The following SLC37A2 variants were observed in gnomAD, a reference collection of about 807,000 sequenced individuals.
SLC37A2 encodes glucose-6-phosphate exchanger SLC37A2.
A neutral mutation model predicts 70.7 loss-of-function variants in SLC37A2; 59 were observed. The observed-to-expected ratio is 0.83, with a 90% CI of 0.68 to 1.04. SLC37A2 has a LOEUF of 1.04. Among genes scored for constraint, SLC37A2 ranks in the 50% least tolerant of loss-of-function variants. The pLI is 0.00. For missense variants in SLC37A2, 580 were observed against 658.1 expected (o/e 0.88, Z 1.30); for synonymous variants, 257 against 262.1 (o/e 0.98, Z 0.19).
Position 125,077,339 on chromosome 11 carries a change from G to C in SLC37A2, c.235+16G>C. On this transcript the variant is annotated intron_variant, in intron 3 of 17. Coordinates refer to ENST00000403796, the MANE Select transcript of SLC37A2 (RefSeq NM_001145290.2). ...GCCCCATTTGGTAAGAACAGGGCAA[G>C]TTGCTCTTCCCATTCCCCATTCCCT... 1 of 1,596,124 alleles carries C rather than the reference G, an allele frequency of 6.3e-7. No individual in the cohort carries two copies. The highest frequency in any genetic ancestry group is 8.5e-7 in the Non-Finnish European group (1 of 1,170,922).
chr11:125,075,944 T>C (rs1165119798), intron 1 of SLC37A2, among the ~76,000 whole-genome samples: 2 of 152,100 alleles, frequency 1.3e-5, no homozygotes, highest in East Asian at 1.9e-4. Flanking sequence ...TGAGGCCTAT[T>C]TTCCATGCAT....
At chr11:125,086,121 C>G in intron 17 of SLC37A2, 103 bp downstream of exon 17, 1 of 1,530,616 alleles carries the variant, frequency 6.5e-7, no homozygotes, top group South Asian at 1.1e-5. Flanking sequence ...TCGACCAGCC[C>G]AGACCTGAGG....
intron 2 of SLC37A2, among the ~76,000 whole-genome samples, 171 bp from the exon 3 acceptor site, chr11:125,077,059 C>G (rs1221923556): frequency 6.6e-6 from 1 of 152,198 alleles, no homozygotes; most frequent in African/African-American, 2.4e-5. Context: ...GGATGCTGCT[C>G]ATGGGTCTGA....
chr11:125,085,791 C>G (rs895233802), intron 16 of SLC37A2, 117 bp downstream of exon 16: 17 of 1,299,216 alleles, frequency 1.3e-5, no homozygotes, highest in Admixed American at 1.8e-5. Flanking sequence ...GAGCAGCTGC[C>G]CTTTGCTCAG....
Position 125,081,476 on chromosome 11 carries a change from C to G in SLC37A2, c.732+18C>G. On this transcript the variant is annotated intron_variant, in intron 8 of 17. Transcript: ENST00000403796. ...AGCACCACGTGAGTGTGAGCCCTCCCAGCCCTATCCCTGCCCTCCAACTCC... is the reference window on the plus strand; with the variant it reads ...AGCACCACGTGAGTGTGAGCCCTCCGAGCCCTATCCCTGCCCTCCAACTCC... 6.2e-7 allele frequency: 1 copy of G among 1,605,272 alleles called. No homozygotes were observed. Among genetic ancestry groups the G allele is most frequent in the Admixed American group, 1.7e-5 (1 of 59,068 alleles).
chr11:125,084,439 G>C, intron 12 of SLC37A2, 120 bp downstream of exon 12: 3 of 998,156 alleles, frequency 3.0e-6, no homozygotes, highest in Admixed American at 2.0e-5. Context: ...GCGTGCACAT[G>C]CATCATTGTG....
At chr11:125,068,548 G>C (rs1949001943) in intron 1 of SLC37A2, among the ~76,000 whole-genome samples, 1 of 152,186 alleles carries the variant, frequency 6.6e-6, no homozygotes, top group African/African-American at 2.4e-5. Context: ...TCTACTTATT[G>C]AGTGCCAAAG....
At chr11:125,067,852 C>T (rs1948996611) in intron 1 of SLC37A2, among the ~76,000 whole-genome samples, 1 of 152,122 alleles carries the variant, frequency 6.6e-6, no homozygotes, top group Non-Finnish European at 1.5e-5. Flanking sequence ...AGTCATTTTT[C>T]TTATGTGTAA....
At position 125,080,589 on chromosome 11, in the gene SLC37A2, C is replaced by CT. The variant is rs1949135266; in HGVS notation, c.528-23dup. 2 of 1,452,918 alleles carry CT rather than the reference C, an allele frequency of 1.4e-6. No individual in the cohort carries two copies. Among genetic ancestry groups the CT allele is most frequent in the East Asian group, 5.3e-5 (2 of 37,754 alleles). The allele number at this position is 1,452,918 out of a possible 1,614,324, so 90.0% of individuals were successfully genotyped here. Reference sequence around the variant, plus strand: ...GCTTTGCTTTTTACTTTTTATACCTCTTCCCTTCTCTCCCTCCCTTCCAGG... The same window carrying CT: ...GCTTTGCTTTTTACTTTTTATACCTCTTTCCCTTCTCTCCCTCCCTTCCAGG... On this transcript the variant is annotated intron_variant, in intron 6 of 17. Transcript: ENST00000403796. This position sits in a 1 kb window ranked among gnomAD's most constrained non-coding sequence, Gnocchi z 4.3.
intron 2 of SLC37A2, 120 bp downstream of exon 2, chr11:125,076,958 C>A: frequency 1.0e-6 from 1 of 957,022 alleles, no homozygotes; most frequent in Non-Finnish European, 1.6e-6. Flanking sequence ...CAGTGGCTGT[C>A]TTCCCCAGGA....
intron 12 of SLC37A2, among the ~76,000 whole-genome samples, 183 bp from the exon 13 acceptor site, chr11:125,084,642 G>A (rs1358199145): frequency 1.3e-5 from 2 of 152,228 alleles, no homozygotes; most frequent in Non-Finnish European, 1.5e-5. Context: ...AGATGATAGA[G>A]TACCACGTTT....
At chr11:125,084,537 T>C (rs1029647431) in intron 12 of SLC37A2, among the ~76,000 whole-genome samples, 43 of 152,228 alleles carry the variant, frequency 2.8e-4, no homozygotes, top group African/African-American at 1.0e-3. Context: ...TTCATGACTC[T>C]TTGGCCTTGG....
chr11:125,067,871 C>T (rs1948996742), intron 1 of SLC37A2, among the ~76,000 whole-genome samples: 2 of 152,042 alleles, frequency 1.3e-5, no homozygotes, highest in South Asian at 4.1e-4. Context: ...AATATTTTTC[C>T]TTTTAATAAA....
intron 1 of SLC37A2, among the ~76,000 whole-genome samples, chr11:125,067,165 G>A (rs1269448281): frequency 2.6e-5 from 4 of 152,054 alleles, no homozygotes; most frequent in African/African-American, 9.7e-5. Flanking sequence ...TTTTTGTAGA[G>A]ACAGGGTCTT....
chr11:125,084,839 C>T lies in SLC37A2; in HGVS notation c.1140C>T (p.Asn380=), dbSNP rs574194187. Residue 380 remains asparagine (N), a synonymous_variant, in exon 13 of 18, where the codon AAC becomes AAT. Transcript: ENST00000403796. ...ILAAPMMFLY[N]YIGQDGIASS... is the part of the protein sequence containing the mutation. ...TCCTCTCTCAGATGTTCCTGTACAA[C>T]TACATTGGCCAGGACGGGATTGCCA... is the stretch of plus-strand genomic sequence containing the variant. 13 of 1,613,880 alleles carry T rather than the reference C, an allele frequency of 8.1e-6. No individual in the cohort carries two copies. The African/African-American group carries it at 1.6e-4, about 20-fold the overall frequency.
intron 1 of SLC37A2, among the ~76,000 whole-genome samples, chr11:125,071,120 C>G (rs1258613920): frequency 6.6e-6 from 1 of 152,140 alleles, no homozygotes; most frequent in African/African-American, 2.4e-5. Flanking sequence ...CTAACAGACA[C>G]TAAGTTGGTG....
At chr11:125,081,541 G>T (rs1949149863) in intron 8 of SLC37A2, 83 bp downstream of exon 8, 3 of 1,502,518 alleles carry the variant, frequency 2.0e-6, no homozygotes, top group Non-Finnish European at 1.8e-6. Flanking sequence ...GGGAGCTAGA[G>T]CAGGGAGTTC....
rs1006915199 is a variant in SLC37A2 at position 125,083,607 on chromosome 11, G to A, written c.977-208G>A. Among the ~76,000 whole-genome samples the A allele has an allele frequency of 8.5e-5, 13 of 152,120 alleles. No homozygotes were observed. Among genetic ancestry groups the A allele is most frequent in the African/African-American group, 2.7e-4 (11 of 41,422 alleles). ...TGAAGGTCATCCTGCAGGGGAAGAG[G>A]GCAACACAGGACGGGACCAAGAGGG... On this transcript the variant is annotated intron_variant, in intron 10 of 17. Transcript: ENST00000403796. The surrounding 1 kb of genome is among the most constrained non-coding windows in gnomAD (Gnocchi z 4.6).
At chr11:125,067,919 C>A (rs181103276) in intron 1 of SLC37A2, among the ~76,000 whole-genome samples, 4 of 152,280 alleles carry the variant, frequency 2.6e-5, no homozygotes, top group East Asian at 3.9e-4. Context: ...CAAAGTCATA[C>A]CTCTCTGCCA....
Sources: gnomAD v4.1 joint callset for allele counts (sites outside exome capture counted in the v4.1 genomes callset) on GRCh38, gnomAD v4.1.1 for gene constraint, Gnocchi (gnomAD v3.1) non-coding constraint, MANE v1.5 for transcripts, NCBI Gene and HGNC (gene_info 2026-07-23, HGNC 2026-07-21) for gene names.